The following OPCML variants were observed in gnomAD, a reference collection of about 807,000 sequenced individuals.
OPCML encodes the protein opioid-binding protein/cell adhesion molecule.
Under a neutral mutation model 37.8 loss-of-function variants are expected in OPCML, and 13 were observed. That is an observed-to-expected ratio of 0.34 (90% CI 0.22 to 0.55). The LOEUF is 0.55. OPCML is among the 20% of genes least tolerant of loss of function. The probability of loss-of-function intolerance (pLI) is 0.91; values close to 1 mark genes in which losing one functional copy is unlikely to be tolerated. For synonymous variants in OPCML, 176 were observed against 168.8 expected (o/e 1.04, Z -0.33); for missense variants, 341 against 435.6 (o/e 0.78, Z 1.93).
At chr11:133,321,812 G>C (rs1943336723) in intron 1 of OPCML, among the ~76,000 whole-genome samples, 1 of 152,132 alleles carries the variant, frequency 6.6e-6, no homozygotes, top group Admixed American at 6.5e-5. Context: ...GTGGGTTCCA[G>C]GTGGTGGCTG....
At chr11:132,872,398 G>A (rs530939203) in intron 2 of OPCML, among the ~76,000 whole-genome samples, 5 of 152,206 alleles carry the variant, frequency 3.3e-5, no homozygotes, top group Middle Eastern at 6.8e-3. Context: ...GGATCGAAAA[G>A]GCTTCCAGGT....
chr11:133,015,665 T>C (rs1947319435), intron 1 of OPCML, among the ~76,000 whole-genome samples: 1 of 152,150 alleles, frequency 6.6e-6, no homozygotes, highest in Non-Finnish European at 1.5e-5. Context: ...TATTGCCCAA[T>C]TTTTTTGGCA....
intron 2 of OPCML, among the ~76,000 whole-genome samples, chr11:132,788,853 G>A (rs1435918842): frequency 1.3e-5 from 2 of 152,170 alleles, no homozygotes; most frequent in Non-Finnish European, 1.5e-5. Flanking sequence ...CCTCTGACAT[G>A]CTCCTGAATA....
chr11:133,524,273 G>A (rs948453007), intron 1 of OPCML, among the ~76,000 whole-genome samples: 3 of 152,236 alleles, frequency 2.0e-5, no homozygotes, highest in Non-Finnish European at 2.9e-5. Flanking sequence ...GTGAGTAGGT[G>A]CAAGAAGTGA....
chr11:132,483,277 C>T (rs1460095816), intron 4 of OPCML, among the ~76,000 whole-genome samples: 1 of 150,390 alleles, frequency 6.6e-6, no homozygotes, highest in Non-Finnish European at 1.5e-5. Context: ...ACACCAACAA[C>T]AGACAAACAG....
Position 132,794,898 on chromosome 11 carries a change from G to GT in OPCML, c.147-137580dup, listed in dbSNP as rs1315647685. The stretch of plus-strand genomic sequence containing the variant: ...TAACAAAAACATGAAAATATCATGA[G>GT]TAAAAAAAAAAAAAAAGAAACTATA... On this transcript the variant is annotated intron_variant, in intron 2 of 7. Coordinates refer to ENST00000524381, the MANE Select transcript of OPCML (RefSeq NM_001012393.5). Among the ~76,000 whole-genome samples the GT allele has an allele frequency of 1.3e-3, 128 of 95,894 alleles. 2 individuals carry two copies. In the East Asian group the frequency reaches 0.027, roughly 20 times the overall value. The allele number at this position is 95,894 out of a possible 152,430, so 62.9% of individuals were successfully genotyped here.
At chr11:133,049,489 T>C (rs1339510075) in intron 1 of OPCML, among the ~76,000 whole-genome samples, 5 of 152,192 alleles carry the variant, frequency 3.3e-5, no homozygotes, top group African/African-American at 1.2e-4. Context: ...CTTAGTGTCT[T>C]CGTCTGTAAA....
At chr11:132,553,453 C>T (rs937461963) in intron 3 of OPCML, among the ~76,000 whole-genome samples, 1 of 152,122 alleles carries the variant, frequency 6.6e-6, no homozygotes, top group Non-Finnish European at 1.5e-5. Context: ...CGACAAGTGA[C>T]CCCCACAAGG....
At chr11:133,418,649 T>A in intron 1 of OPCML, 1 of 174,384 alleles carries the variant, frequency 5.7e-6, no homozygotes, top group Non-Finnish European at 1.1e-5. Context: ...CTTAAACTCC[T>A]TAAAGTAAGG....
intron 1 of OPCML, among the ~76,000 whole-genome samples, chr11:133,201,362 T>G (rs1938780915): frequency 6.6e-6 from 1 of 151,932 alleles, no homozygotes; most frequent in African/African-American, 2.4e-5. Flanking sequence ...ATTTTATGCC[T>G]TTTAGTCTAC....
intron 1 of OPCML, among the ~76,000 whole-genome samples, chr11:133,349,223 C>T (rs923331387): frequency 6.6e-6 from 1 of 152,212 alleles, no homozygotes; most frequent in Admixed American, 6.5e-5. Flanking sequence ...TTACAGTTCT[C>T]TCTTGAGTAT....
At chr11:132,431,450 A>G (rs1455979413) in intron 7 of OPCML, among the ~76,000 whole-genome samples, 1 of 152,198 alleles carries the variant, frequency 6.6e-6, no homozygotes, top group Non-Finnish European at 1.5e-5. Context: ...GGGGCTAAGG[A>G]AAGTGGGTGG....
chr11:133,066,490 A>G (rs1948442461), intron 1 of OPCML: 1 of 152,108 alleles, frequency 6.6e-6, no homozygotes, highest in Non-Finnish European at 1.5e-5. Flanking sequence ...GTCCTGCAAT[A>G]TTTTTATTAT....
At position 132,774,658 on chromosome 11, in the gene OPCML, T is replaced by A. The variant is rs550427622; in HGVS notation, c.147-117339A>T. On this transcript the variant is annotated intron_variant, in intron 2 of 7. Coordinates refer to ENST00000524381, the MANE Select transcript of OPCML (RefSeq NM_001012393.5). ...GTTTATTTCCAGAAATTAGAATAAC[T>A]GGCTCCCCTCTTTCCTAGACATCCT... Among the ~76,000 whole-genome samples the A allele has an allele frequency of 3.9e-5, 6 of 152,312 alleles. No individual in the cohort carries two copies. The South Asian group carries it at 1.0e-3, about 26-fold the overall frequency.
intron 1 of OPCML, among the ~76,000 whole-genome samples, chr11:133,471,890 A>G (rs1215979580): frequency 3.9e-5 from 6 of 152,258 alleles, no homozygotes; most frequent in Non-Finnish European, 7.4e-5. Context: ...GGTCCCTGCA[A>G]CCCTGACCAG....
chr11:132,910,324 A>G (rs970442422), intron 2 of OPCML, among the ~76,000 whole-genome samples: 1 of 152,272 alleles, frequency 6.6e-6, no homozygotes, highest in Non-Finnish European at 1.5e-5. Flanking sequence ...GCCCCAGAGC[A>G]GCCTGAAGCA....
chr11:133,407,158 T>C (rs1945543827), intron 1 of OPCML, among the ~76,000 whole-genome samples: 1 of 152,208 alleles, frequency 6.6e-6, no homozygotes, highest in African/African-American at 2.4e-5. Flanking sequence ...CTTGGAATGA[T>C]GGGGCTAAAA....
chr11:133,097,137 C>T (rs1288085233), intron 1 of OPCML, among the ~76,000 whole-genome samples: 1 of 152,094 alleles, frequency 6.6e-6, no homozygotes, highest in Non-Finnish European at 1.5e-5. Flanking sequence ...TCAAGACAGA[C>T]CACATCCAGA....
At chr11:132,803,781 T>C (rs1265544354) in intron 2 of OPCML, among the ~76,000 whole-genome samples, 2 of 152,222 alleles carry the variant, frequency 1.3e-5, no homozygotes, top group Non-Finnish European at 2.9e-5. Flanking sequence ...AGGCATTCAA[T>C]TAATCTGTGT....
Sources: allele counts gnomAD v4.1 joint callset (sites outside exome capture counted in the v4.1 genomes callset), GRCh38; gene constraint gnomAD v4.1.1; transcripts MANE v1.5; gene names NCBI Gene and HGNC (gene_info 2026-07-23, HGNC 2026-07-21).